TMED10: variants seen among roughly 807,000 people sequenced by gnomAD.
The protein encoded by TMED10 is transmembrane emp24 domain-containing protein 10.
TMED10 carries 7 observed loss-of-function variants against 23.1 expected under a neutral mutation model. The ratio of observed to expected loss-of-function variants is 0.30; its 90% confidence interval spans 0.17 to 0.57. The LOEUF is 0.57. Ranked by LOEUF, TMED10 falls within the 20% of genes least tolerant of loss-of-function variation. TMED10 has a pLI of 0.91. For synonymous variants in TMED10, 113 were observed against 106.9 expected, an observed-to-expected ratio of 1.06 and a Z score of -0.35; for missense variants, 162 against 274.8, an observed-to-expected ratio of 0.59 and a Z score of 2.90.
In TMED10 at chr14:75,132,599, C is replaced by G. The variant is rs1246368899; in HGVS notation, c.*2286G>C. 1 of 151,976 alleles carries G rather than the reference C, an allele frequency of 6.6e-6. No individual in the cohort carries two copies. The highest frequency in any genetic ancestry group is 1.5e-5 in the Non-Finnish European group (1 of 68,026). The allele number at this position is 151,976 out of a possible 1,614,324, so 9.4% of individuals were successfully genotyped here. ...ATGGCAATGTTGTACAAGTTAACGACAGAACTACTTTTATGCCACAGGAGA... is the reference window on the plus strand; with the variant it reads ...ATGGCAATGTTGTACAAGTTAACGAGAGAACTACTTTTATGCCACAGGAGA... On this transcript the variant is annotated 3_prime_UTR_variant, in exon 5 of 5. Transcript: ENST00000303575.
At chr14:75,139,635 CAAAAA>C in intron 3 of TMED10, among the ~76,000 whole-genome samples, 1 of 109,294 alleles carries the variant, frequency 9.1e-6, no homozygotes, top group East Asian at 2.4e-4. Context: ...GACTCCGACT[CAAAAA>C]AAAAAAAAAA....
At chr14:75,140,165 G>A (rs1895804180) in intron 3 of TMED10, among the ~76,000 whole-genome samples, 1 of 150,870 alleles carries the variant, frequency 6.6e-6, no homozygotes, top group Middle Eastern at 3.4e-3. Flanking sequence ...AATTTCTGTT[G>A]TTTATTCTTT....
chr14:75,156,420 C>G (rs1210477065), intron 1 of TMED10, among the ~76,000 whole-genome samples: 1 of 151,638 alleles, frequency 6.6e-6, no homozygotes. Context: ...CAGGACAAAA[C>G]CAAAAAGTAA....
At chr14:75,144,546 G>A (rs1895859855) in intron 3 of TMED10, among the ~76,000 whole-genome samples, 1 of 152,132 alleles carries the variant, frequency 6.6e-6, no homozygotes, top group Non-Finnish European at 1.5e-5. Flanking sequence ...TAACAATTTA[G>A]GTAGGTAGTG....
rs951320132 is a variant in TMED10 at position 75,164,847 on chromosome 14, G to A, written c.225+11508C>T. On this transcript the variant is annotated intron_variant, in intron 1 of 4. Coordinates refer to ENST00000303575, the MANE Select transcript of TMED10 (RefSeq NM_006827.6). The stretch of plus-strand genomic sequence containing the variant: ...TATTGCATGGAAACAGAGAGAAAGG[G>A]GTAGTCAGGTACACTCTCAAGGAAG... Among the ~76,000 whole-genome samples the A allele has an allele frequency of 1.3e-4, 19 of 150,632 alleles. No homozygotes were observed. In the East Asian group the frequency reaches 3.7e-3, roughly 29 times the overall value.
chr14:75,163,493 C>T (rs1896109870), intron 1 of TMED10, among the ~76,000 whole-genome samples: 1 of 136,848 alleles, frequency 7.3e-6, no homozygotes, highest in African/African-American at 2.8e-5. Context: ...GCAGAGGTTG[C>T]AGTGAGCCGA....
chr14:75,148,946 CTT>C (rs1374559039), intron 2 of TMED10, among the ~76,000 whole-genome samples: 3 of 152,192 alleles, frequency 2.0e-5, no homozygotes, highest in Admixed American at 2.0e-4. Flanking sequence ...GGTTCTTACT[CTT>C]GTCTTCCAAG....
At chr14:75,165,777 A>G (rs1192070505) in intron 1 of TMED10, among the ~76,000 whole-genome samples, 2 of 152,242 alleles carry the variant, frequency 1.3e-5, no homozygotes, top group Non-Finnish European at 2.9e-5. Flanking sequence ...AGTACAGTTC[A>G]CTGATAGTAT....
chr14:75,143,693 G>A (rs1380035994), intron 3 of TMED10, among the ~76,000 whole-genome samples: 1 of 152,164 alleles, frequency 6.6e-6, no homozygotes, highest in Non-Finnish European at 1.5e-5. Flanking sequence ...CAGCACTTTG[G>A]GAGGCCGAGG....
intron 1 of TMED10, among the ~76,000 whole-genome samples, chr14:75,165,834 C>G (rs1043142392): frequency 6.6e-5 from 10 of 152,064 alleles, no homozygotes; most frequent in Non-Finnish European, 1.3e-4. Context: ...ATCAAGGAGG[C>G]TAGGAGGCTT....
intron 1 of TMED10, among the ~76,000 whole-genome samples, chr14:75,164,770 G>C (rs997652064): frequency 1.4e-5 from 2 of 147,080 alleles, no homozygotes; most frequent in African/African-American, 5.1e-5. Flanking sequence ...TGGCAAACTA[G>C]ATAAATTGTG....
chr14:75,164,079 T>A (rs1012145889), intron 1 of TMED10, among the ~76,000 whole-genome samples: 6 of 152,056 alleles, frequency 3.9e-5, no homozygotes, highest in African/African-American at 1.4e-4. Context: ...CTTCCTTTTT[T>A]TTTTGAGACA....
At chr14:75,173,251 G>A (rs929371986) in intron 1 of TMED10, among the ~76,000 whole-genome samples, 1 of 152,154 alleles carries the variant, frequency 6.6e-6, no homozygotes, top group Non-Finnish European at 1.5e-5. Context: ...GCCGGATATG[G>A]TGGCATGTGC....
chr14:75,158,757 T>G (rs1216246245), intron 1 of TMED10, among the ~76,000 whole-genome samples: 1 of 151,966 alleles, frequency 6.6e-6, no homozygotes, highest in African/African-American at 2.4e-5. Context: ...AAACCCCATC[T>G]CTACTAAAAA....
rs796885769 is a variant in TMED10, at chr14:75,132,648, G to A, written c.*2237C>T. Reference sequence around the variant, plus strand: ...GAGGAAGACACAAGGAGTCAAAAGGGGGAAAAAAAAAGTTTGGGTTCATAG... The same window carrying A: ...GAGGAAGACACAAGGAGTCAAAAGGAGGAAAAAAAAAGTTTGGGTTCATAG... On this transcript the variant is annotated 3_prime_UTR_variant, in exon 5 of 5. Coordinates refer to ENST00000303575, the MANE Select transcript of TMED10 (RefSeq NM_006827.6). The A allele has an allele frequency of 1.3e-5, 2 of 151,830 alleles. No homozygotes were observed. Among genetic ancestry groups the A allele is most frequent in the East Asian group, 1.9e-4 (1 of 5,192 alleles). 9.4% of individuals were successfully genotyped at this position (151,830 alleles called of 1,614,324 possible).
intron 2 of TMED10, among the ~76,000 whole-genome samples, chr14:75,151,585 A>G (rs895294379): frequency 1.3e-5 from 2 of 152,168 alleles, no homozygotes; most frequent in African/African-American, 4.8e-5. Context: ...GGAAGGCACA[A>G]AGATTTCCCA....
intron 1 of TMED10, among the ~76,000 whole-genome samples, chr14:75,156,951 G>GAA (rs1896027512): frequency 1.3e-5 from 2 of 151,714 alleles, no homozygotes; most frequent in Admixed American, 1.3e-4. Context: ...GAAAAGAAAA[G>GAA]AAAAGAAAAA....
intron 1 of TMED10, among the ~76,000 whole-genome samples, chr14:75,175,056 A>AAAAAAAAAG (rs1566677750): frequency 6.6e-6 from 1 of 151,598 alleles, no homozygotes; most frequent in African/African-American, 2.4e-5. Flanking sequence ...AAAAAAAAAA[A>AAAAAAAAAG]AAAAAAAAGT....
At chr14:75,147,560 C>G in intron 3 of TMED10, 104 bp downstream of exon 3, 1 of 1,190,750 alleles carries the variant, frequency 8.4e-7, no homozygotes, top group South Asian at 1.2e-5. Flanking sequence ...TGCTAAGAAA[C>G]CACAGCCCTT....
Sources: allele counts gnomAD v4.1 joint callset (sites outside exome capture counted in the v4.1 genomes callset), GRCh38; gene constraint gnomAD v4.1.1; transcripts MANE v1.5; gene names NCBI Gene and HGNC (gene_info 2026-07-23, HGNC 2026-07-21).